The following AGTPBP1 variants were observed in gnomAD, a reference collection of about 807,000 sequenced individuals.
AGTPBP1 encodes the protein cytosolic carboxypeptidase 1.
A neutral mutation model predicts 143.9 loss-of-function variants in AGTPBP1; 70 were observed. That is an observed-to-expected ratio of 0.49 (90% confidence interval 0.40 to 0.59). The LOEUF is 0.59. AGTPBP1 is among the 20% of genes least tolerant of loss of function. AGTPBP1 has a pLI of 0.00. For synonymous variants in AGTPBP1, 463 were observed against 500.2 expected, an observed-to-expected ratio of 0.93 and a Z score of 0.99; for missense variants, 1,229 against 1,464.5, an observed-to-expected ratio of 0.84 and a Z score of 2.62.
chr9:85,571,766 A>G (rs1230035997), intron 25 of AGTPBP1, among the ~76,000 whole-genome samples: 2 of 152,196 alleles, frequency 1.3e-5, no homozygotes, highest in African/African-American at 4.8e-5. Flanking sequence ...TCTGAATATA[A>G]TCATGCAACA....
chr9:85,669,793 A>T (rs112128413), intron 7 of AGTPBP1, among the ~76,000 whole-genome samples: 59 of 108,368 alleles, frequency 5.4e-4, no homozygotes, highest in African/African-American at 2.6e-3. Flanking sequence ...AACGAGTTAT[A>T]TGCAAAAAAA....
the AGTPBP1 span, among the ~76,000 whole-genome samples, chr9:85,804,771 A>G: frequency 6.6e-6 from 1 of 152,222 alleles, no homozygotes; most frequent in Non-Finnish European, 1.5e-5. Flanking sequence ...AGCGCCCTGC[A>G]ACTCTACAGG....
chr9:85,704,149 C>CA (rs1365736324), intron 2 of AGTPBP1, among the ~76,000 whole-genome samples: 1 of 152,112 alleles, frequency 6.6e-6, no homozygotes, highest in East Asian at 1.9e-4. Flanking sequence ...ACAGCCTTGA[C>CA]AGTTTCAGGT....
chr9:85,764,137 C>T, the AGTPBP1 span, among the ~76,000 whole-genome samples: 1 of 151,686 alleles, frequency 6.6e-6, no homozygotes, highest in African/African-American at 2.4e-5. Flanking sequence ...AAGAAAAATA[C>T]TGCCTCTGAA....
chr9:85,634,476 G>A (rs892607684), intron 13 of AGTPBP1, among the ~76,000 whole-genome samples: 1 of 152,080 alleles, frequency 6.6e-6, no homozygotes, highest in Non-Finnish European at 1.5e-5. Flanking sequence ...TGAATGCCAC[G>A]ATGAATGCCA....
intron 19 of AGTPBP1, 71 bp from the exon 20 acceptor site, chr9:85,589,752 C>G (rs1828840579): frequency 7.3e-7 from 1 of 1,367,532 alleles, no homozygotes. Flanking sequence ...AATAATGCAT[C>G]CAGATCTCCA....
At chr9:85,768,766 G>A in the AGTPBP1 span, among the ~76,000 whole-genome samples, 1 of 151,800 alleles carries the variant, frequency 6.6e-6, no homozygotes, top group African/African-American at 2.4e-5. Flanking sequence ...TCACATTATT[G>A]GCCAGGCATG....
At chr9:85,565,941 A>G (rs1033190393) in intron 25 of AGTPBP1, among the ~76,000 whole-genome samples, 2 of 152,174 alleles carry the variant, frequency 1.3e-5, no homozygotes, top group African/African-American at 4.8e-5. Context: ...AAACTCCCAA[A>G]TGACTAAAGG....
chr9:85,796,096 C>A, the AGTPBP1 span, among the ~76,000 whole-genome samples: 3 of 151,730 alleles, frequency 2.0e-5, no homozygotes, highest in Non-Finnish European at 2.9e-5. Flanking sequence ...CAAGGGAGGT[C>A]AAGGAATTGA....
At chr9:85,609,701 C>A (rs112478628) in intron 17 of AGTPBP1, among the ~76,000 whole-genome samples, 8 of 152,164 alleles carry the variant, frequency 5.3e-5, no homozygotes, top group African/African-American at 1.9e-4. Flanking sequence ...AGCAAGGGCA[C>A]CCATAAGGAA....
At chr9:85,712,382 C>T in intron 2 of AGTPBP1, 120 bp downstream of exon 2, 3 of 471,304 alleles carry the variant, frequency 6.4e-6, no homozygotes. Flanking sequence ...TTTTTAATTA[C>T]ATAAATATAA....
At chr9:85,692,282 T>C (rs1241751851) in intron 3 of AGTPBP1, among the ~76,000 whole-genome samples, 1 of 151,872 alleles carries the variant, frequency 6.6e-6, no homozygotes, top group Non-Finnish European at 1.5e-5. Flanking sequence ...ATTTTTTTTT[T>C]TTTTTTTTTA....
chr9:85,710,699 C>A (rs59462164), intron 2 of AGTPBP1, among the ~76,000 whole-genome samples: 3,271 of 146,500 alleles, frequency 0.022, 83 homozygotes, highest in African/African-American at 0.056. Context: ...ACAACAACAA[C>A]AAAAAAAACA....
intron 9 of AGTPBP1, 47 bp from the exon 10 acceptor site, chr9:85,657,690 G>A (rs1198102449): frequency 1.4e-6 from 2 of 1,402,440 alleles, no homozygotes; most frequent in African/African-American, 1.4e-5. Flanking sequence ...AATGACGAGA[G>A]TGAGTGGTAG....
chr9:85,785,957 T>A, the AGTPBP1 span: 1 of 589,488 alleles, frequency 1.7e-6, no homozygotes, highest in Non-Finnish European at 3.0e-6. Context: ...CATCTGTTCA[T>A]CTAAAATAAG....
At chr9:85,708,386 C>G (rs931573045) in intron 2 of AGTPBP1, among the ~76,000 whole-genome samples, 1 of 152,176 alleles carries the variant, frequency 6.6e-6, no homozygotes, top group African/African-American at 2.4e-5. Context: ...AACATATTCA[C>G]TGGTTCCAGG....
chr9:85,593,059 C>T (rs1022366016), intron 18 of AGTPBP1, among the ~76,000 whole-genome samples: 2 of 152,104 alleles, frequency 1.3e-5, no homozygotes, highest in African/African-American at 2.4e-5. Context: ...GACACCTTTA[C>T]GTGGATGGAT....
intron 2 of AGTPBP1, among the ~76,000 whole-genome samples, chr9:85,701,036 G>C (rs1362721875): frequency 6.6e-6 from 1 of 151,888 alleles, no homozygotes; most frequent in Non-Finnish European, 1.5e-5. Flanking sequence ...TCGTGCCTCA[G>C]CCTCCAGAGT....
the AGTPBP1 span, among the ~76,000 whole-genome samples, chr9:85,770,943 A>C: frequency 6.6e-6 from 1 of 152,112 alleles, no homozygotes; most frequent in South Asian, 2.1e-4. Flanking sequence ...GTGGTGTATC[A>C]GTGGCAAAGA....
Sources: allele counts gnomAD v4.1 joint callset (sites outside exome capture counted in the v4.1 genomes callset), GRCh38; gene constraint gnomAD v4.1.1; transcripts MANE v1.5; gene names NCBI Gene and HGNC (gene_info 2026-07-23, HGNC 2026-07-21).